The following VAV2 variants were observed in gnomAD, a reference collection of about 807,000 sequenced individuals.
VAV2 encodes the protein vav guanine nucleotide exchange factor 2, also known as guanine nucleotide exchange factor VAV2.
Under a neutral mutation model 132.5 loss-of-function variants are expected in VAV2, and 67 were observed. That is an observed-to-expected ratio of 0.51 (90% CI 0.42 to 0.62). The LOEUF is 0.62. Among genes scored for constraint, VAV2 ranks in the 20% least tolerant of loss-of-function variants. The probability of loss-of-function intolerance (pLI) is 0.00; values close to 1 mark genes in which losing one functional copy is unlikely to be tolerated. For missense variants in VAV2, 938 were observed against 1,153.6 expected (o/e 0.81, Z 2.71); for synonymous variants, 492 against 443.5 (o/e 1.11, Z -1.37).
At chr9:133,782,321 G>T (rs536872436) in intron 19 of VAV2, among the ~76,000 whole-genome samples, 149 of 152,270 alleles carry the variant, frequency 9.8e-4, no homozygotes, top group African/African-American at 3.4e-3. Flanking sequence ...CCATCGTCTG[G>T]GGACATGCGA....
chr9:133,775,914 C>A, intron 24 of VAV2, 114 bp downstream of exon 24: 2 of 1,377,282 alleles, frequency 1.5e-6, no homozygotes, highest in South Asian at 1.6e-5. Flanking sequence ...CAACAGGCAG[C>A]CTGGGGCCTC....
At position 133,928,481 on chromosome 9, in the gene VAV2, C is replaced by T. The variant is rs73552568; in HGVS notation, c.321+10622G>A. ...GTGGATGCTGCTACAAAGACTAGCA[C>T]GTCTCACTGCCAGCATTAAGGCAGG... On this transcript the variant is annotated intron_variant, in intron 2 of 29. Transcript: ENST00000371850. This position sits in a 1 kb window ranked among gnomAD's most constrained non-coding sequence, Gnocchi z 5.4. Among the ~76,000 whole-genome samples the T allele has an allele frequency of 0.014, 2,204 of 152,244 alleles. 48 individuals carry two copies. Among genetic ancestry groups the T allele is most frequent in the African/African-American group, 0.049 (2,046 of 41,552 alleles).
intron 2 of VAV2, among the ~76,000 whole-genome samples, chr9:133,905,994 C>T (rs962435757): frequency 2.0e-5 from 3 of 152,082 alleles, no homozygotes; most frequent in African/African-American, 4.8e-5. Flanking sequence ...GAGCCATGAT[C>T]GCGCCACTGA....
intron 9 of VAV2, among the ~76,000 whole-genome samples, chr9:133,803,628 G>A (rs1835023212): frequency 6.6e-6 from 1 of 152,224 alleles, no homozygotes; most frequent in African/African-American, 2.4e-5. Context: ...GACGAAGGCT[G>A]CATTCATGAA....
At chr9:133,792,066 GGTGT>G (rs368196281) in intron 12 of VAV2, among the ~76,000 whole-genome samples, 197 bp from the exon 13 acceptor site, 7 of 142,172 alleles carry the variant, frequency 4.9e-5, no homozygotes, top group Non-Finnish European at 1.1e-4. Context: ...ACTGTGCTGT[GGTGT>G]GTGTGTGTGA....
intron 7 of VAV2, among the ~76,000 whole-genome samples, chr9:133,808,608 G>A (rs10120521): frequency 0.028 from 4,248 of 152,310 alleles, 186 homozygotes; most frequent in African/African-American, 0.097. Flanking sequence ...TCACTAGGCC[G>A]GGCCATGCCT....
intron 1 of VAV2, among the ~76,000 whole-genome samples, chr9:133,981,075 C>T (rs73662362): frequency 0.011 from 1,630 of 152,312 alleles, 26 homozygotes; most frequent in African/African-American, 0.037. Flanking sequence ...GCCCCATCTT[C>T]GCCCAGTCAA....
intron 2 of VAV2, among the ~76,000 whole-genome samples, chr9:133,862,564 G>A (rs535217776): frequency 5.9e-5 from 9 of 152,346 alleles, no homozygotes; most frequent in African/African-American, 1.9e-4. Context: ...GCACGGCTGC[G>A]CAGCTGTATG....
intron 23 of VAV2, 48 bp downstream of exon 23, chr9:133,777,341 A>G (rs777403215): frequency 6.2e-7 from 1 of 1,601,144 alleles, no homozygotes; most frequent in Admixed American, 1.7e-5. Flanking sequence ...CAGAACCCTC[A>G]GCACCCAGGC....
chr9:133,806,236 G>A (rs1835137680), intron 8 of VAV2, 55 bp from the exon 9 acceptor site: 2 of 1,547,548 alleles, frequency 1.3e-6, no homozygotes, highest in Middle Eastern at 3.5e-4. Flanking sequence ...GGCTAGACGG[G>A]AGCGCCGCCC....
intron 2 of VAV2, among the ~76,000 whole-genome samples, chr9:133,873,162 C>T (rs1323394824): frequency 1.3e-5 from 2 of 152,044 alleles, no homozygotes; most frequent in Admixed American, 6.5e-5. Context: ...AGCAACTGGG[C>T]TCACATGTTA....
intron 1 of VAV2, among the ~76,000 whole-genome samples, chr9:133,963,482 C>T (rs902340996): frequency 2.0e-5 from 3 of 152,284 alleles, no homozygotes; most frequent in Admixed American, 1.3e-4. Flanking sequence ...CACTCCAAGT[C>T]GGCCAGCAGG....
rs909070621 is a variant in VAV2 at position 133,826,878 on chromosome 9, A to T, written c.449+7394T>A. ...TGTGCAGCCTACTTCACAGACAGGCAAGGGCAACCCTGCCACAGCGGCACC... is the reference window on the plus strand; with the variant it reads ...TGTGCAGCCTACTTCACAGACAGGCTAGGGCAACCCTGCCACAGCGGCACC... On this transcript the variant is annotated intron_variant, in intron 4 of 29. Transcript: ENST00000371850. This position sits in a 1 kb window ranked among gnomAD's most constrained non-coding sequence, Gnocchi z 4.2. Among the ~76,000 whole-genome samples the T allele has an allele frequency of 2.0e-5, 3 of 152,130 alleles. No individual in the cohort carries two copies. Among genetic ancestry groups the T allele is most frequent in the Non-Finnish European group, 4.4e-5 (3 of 68,010 alleles).
chr9:133,815,437 G>A (rs187367744), intron 4 of VAV2, among the ~76,000 whole-genome samples: 20 of 152,106 alleles, frequency 1.3e-4, no homozygotes, highest in South Asian at 4.2e-4. Flanking sequence ...TCATCTCACC[G>A]GAGCTCCTGC....
chr9:133,778,524 A>G (rs1833895102), intron 22 of VAV2, among the ~76,000 whole-genome samples: 1 of 152,198 alleles, frequency 6.6e-6, no homozygotes, highest in Non-Finnish European at 1.5e-5. Context: ...ATCGCCTACC[A>G]TGTCAAAGCA....
At chr9:133,858,440 A>G (rs1837467968) in intron 3 of VAV2, among the ~76,000 whole-genome samples, 1 of 152,060 alleles carries the variant, frequency 6.6e-6, no homozygotes, top group Non-Finnish European at 1.5e-5. Flanking sequence ...CTCTATGGGG[A>G]GGGGATAAAT....
chr9:133,974,059 C>T (rs1027099081), intron 1 of VAV2, among the ~76,000 whole-genome samples: 3 of 152,288 alleles, frequency 2.0e-5, no homozygotes, highest in Admixed American at 6.5e-5. Flanking sequence ...CGCACTGTCA[C>T]GCAGGGCTCA....
intron 1 of VAV2, among the ~76,000 whole-genome samples, chr9:133,972,655 G>T (rs10821542): frequency 6.6e-6 from 1 of 151,998 alleles, no homozygotes; most frequent in South Asian, 2.1e-4. Flanking sequence ...AGGGCCTCCC[G>T]CAAGAGTCCT....
At chr9:133,861,500 G>T in intron 2 of VAV2, 68 bp from the exon 3 acceptor site, 2 of 1,574,604 alleles carry the variant, frequency 1.3e-6, no homozygotes, top group Non-Finnish European at 1.7e-6. Flanking sequence ...CAGAACTGGG[G>T]ACGCTGCTTT....
Sources: allele counts gnomAD v4.1 joint callset (sites outside exome capture counted in the v4.1 genomes callset), GRCh38; gene constraint gnomAD v4.1.1; non-coding constraint Gnocchi (gnomAD v3.1); transcripts MANE v1.5; gene names NCBI Gene and HGNC (gene_info 2026-07-23, HGNC 2026-07-21).